FGF14: variants seen among roughly 807,000 people sequenced by gnomAD.
The protein encoded by FGF14 is fibroblast growth factor 14.
Under a neutral mutation model 25.5 loss-of-function variants are expected in FGF14, and 5 were observed. That is an observed-to-expected ratio of 0.20 (90% CI 0.10 to 0.41). The LOEUF is 0.41. FGF14 is among the 10% of genes least tolerant of loss of function. The pLI, the probability that FGF14 is intolerant of heterozygous loss-of-function variation, is 1.00. For synonymous variants in FGF14, 138 were observed against 118.3 expected (o/e 1.17, Z -1.08); for missense variants, 222 against 320.1 (o/e 0.69, Z 2.34).
intron 3 of FGF14, among the ~76,000 whole-genome samples, chr13:101,853,787 T>C (rs2043981631): frequency 6.6e-6 from 1 of 151,998 alleles, no homozygotes; most frequent in Admixed American, 6.6e-5. Flanking sequence ...CCACACATTA[T>C]AGCCCTCACT....
chr13:102,112,222 T>A (rs1464679596), intron 1 of FGF14, among the ~76,000 whole-genome samples: 16 of 152,208 alleles, frequency 1.1e-4, no homozygotes. Flanking sequence ...GAGAATAGAA[T>A]AGGTCAGGCT....
In FGF14 at chr13:102,239,509, A is replaced by T. The variant is rs1437265487; in HGVS notation, c.208+161962T>A. ...CACTGAGTAGCAAGGCTTACGGAAG[A>T]CTCCTACCAATTTTCTGCTTTGGAA... On this transcript the variant is annotated intron_variant, in intron 1 of 4. Coordinates refer to the FGF14 transcript ENST00000376131. Among the ~76,000 whole-genome samples, 8 of 151,994 alleles carry T rather than the reference A, an allele frequency of 5.3e-5. No homozygotes were observed. The East Asian group carries it at 1.5e-3, about 29-fold the overall frequency.
chr13:101,791,896 A>G (rs1001813325), intron 3 of FGF14, among the ~76,000 whole-genome samples: 1 of 152,132 alleles, frequency 6.6e-6, no homozygotes, highest in Non-Finnish European at 1.5e-5. Context: ...GACAAGCTGG[A>G]TGTGTTTATA....
chr13:102,390,495 C>T (rs529235765), intron 1 of FGF14, among the ~76,000 whole-genome samples: 66 of 152,298 alleles, frequency 4.3e-4, no homozygotes, highest in African/African-American at 1.3e-3. Flanking sequence ...CTTTCTAGAG[C>T]GGTAGCTGCA....
intron 3 of FGF14, among the ~76,000 whole-genome samples, chr13:101,828,681 G>A (rs567453607): frequency 6.6e-6 from 1 of 152,038 alleles, no homozygotes; most frequent in East Asian, 1.9e-4. Flanking sequence ...CTCCCAAATG[G>A]ATGAGTTTAA....
chr13:102,318,237 T>C (rs2056109129), intron 1 of FGF14, among the ~76,000 whole-genome samples: 2 of 152,150 alleles, frequency 1.3e-5, no homozygotes, highest in Admixed American at 6.5e-5. Context: ...GAATTCAGTT[T>C]GAAATCTACT....
chr13:102,157,183 A>T (rs2047383643), intron 1 of FGF14, among the ~76,000 whole-genome samples: 1 of 152,222 alleles, frequency 6.6e-6, no homozygotes, highest in South Asian at 2.1e-4. Context: ...GAACCAAAAA[A>T]GAGCCCACAT....
intron 2 of FGF14, 102 bp from the exon 3 acceptor site, chr13:101,868,930 C>G: frequency 1.3e-6 from 1 of 783,480 alleles, no homozygotes; most frequent in Non-Finnish European, 2.2e-6. Context: ...ATCATCTTTG[C>G]CAATACTTTC....
intron 1 of FGF14, among the ~76,000 whole-genome samples, chr13:102,001,157 G>T (rs1472560695): frequency 6.6e-6 from 1 of 152,148 alleles, no homozygotes. Context: ...AACAATTAAA[G>T]AATAAATTGA....
intron 1 of FGF14, among the ~76,000 whole-genome samples, chr13:102,004,571 C>A (rs188259969): frequency 1.3e-5 from 2 of 152,206 alleles, no homozygotes; most frequent in South Asian, 4.1e-4. Context: ...CCTCGATGCA[C>A]CAATGAACCT....
At chr13:102,398,505 A>G (rs1379520188) in intron 1 of FGF14, among the ~76,000 whole-genome samples, 2 of 152,218 alleles carry the variant, frequency 1.3e-5, no homozygotes, top group African/African-American at 4.8e-5. Context: ...GCTTTACACC[A>G]AATTCACTGG....
At chr13:102,189,060 AAAAG>A (rs1413790915) in intron 1 of FGF14, among the ~76,000 whole-genome samples, 26 of 148,266 alleles carry the variant, frequency 1.8e-4, no homozygotes, top group Non-Finnish European at 2.7e-4. Context: ...ATGAAAGAAG[AAAAG>A]AAAGAAAGAA....
At chr13:101,753,635 T>C (rs9518512) in intron 3 of FGF14, among the ~76,000 whole-genome samples, 24,378 of 151,840 alleles carry the variant, frequency 0.16, 2,203 homozygotes, top group Non-Finnish European at 0.2. Context: ...AGAAACCCCG[T>C]CTCTACTAAA....
At chr13:102,170,596 ACAAGG>A (rs1293210294) in intron 1 of FGF14, among the ~76,000 whole-genome samples, 3 of 152,184 alleles carry the variant, frequency 2.0e-5, no homozygotes, top group Admixed American at 2.0e-4. Context: ...GACCAAGGAC[ACAAGG>A]CAGCTTTTGT....
chr13:102,266,969 AC>A (rs1431154442), intron 1 of FGF14, among the ~76,000 whole-genome samples: 1 of 152,104 alleles, frequency 6.6e-6, no homozygotes, highest in Non-Finnish European at 1.5e-5. Context: ...ACAAACAAAA[AC>A]AAAGAAACAG....
At chr13:102,259,477 T>C (rs542258101) in intron 1 of FGF14, among the ~76,000 whole-genome samples, 12 of 152,308 alleles carry the variant, frequency 7.9e-5, no homozygotes, top group African/African-American at 2.9e-4. Flanking sequence ...GGTTCTCCAG[T>C]CCCTGTTAGG....
intron 1 of FGF14, among the ~76,000 whole-genome samples, chr13:101,953,943 A>G (rs1367611371): frequency 1.3e-5 from 2 of 152,162 alleles, no homozygotes; most frequent in African/African-American, 2.4e-5. Context: ...CAAAGCATCC[A>G]TCACCCTCTG....
At chr13:102,135,802 T>C (rs1287710746) in intron 1 of FGF14, among the ~76,000 whole-genome samples, 1 of 152,094 alleles carries the variant, frequency 6.6e-6, no homozygotes, top group Non-Finnish European at 1.5e-5. Flanking sequence ...ACTACAAGCA[T>C]GCATCACCAC....
chr13:102,094,675 A>G (rs2044311727), intron 1 of FGF14, among the ~76,000 whole-genome samples: 1 of 152,156 alleles, frequency 6.6e-6, no homozygotes, highest in Non-Finnish European at 1.5e-5. Flanking sequence ...TGAAGGGAAA[A>G]GGTAAACAGC....
Sources: allele counts gnomAD v4.1 joint callset (sites outside exome capture counted in the v4.1 genomes callset), GRCh38; gene constraint gnomAD v4.1.1; transcripts MANE v1.5; gene names NCBI Gene and HGNC (gene_info 2026-07-23, HGNC 2026-07-21).